EYS: variants seen among roughly 807,000 people sequenced by gnomAD.
The protein encoded by EYS is EGF-like photoreceptor maintenance factor, also known as protein eyes shut homolog.
Under a neutral mutation model 282.1 loss-of-function variants are expected in EYS, and 250 were observed. The ratio of observed to expected loss-of-function variants is 0.89; its 90% CI spans 0.80 to 0.98. EYS has a LOEUF of 0.98. EYS is among the 50% of genes least tolerant of loss of function. The probability of loss-of-function intolerance (pLI) is 0.00; values close to 1 mark genes in which losing one functional copy is unlikely to be tolerated. For synonymous variants in EYS, 1,355 were observed against 1,282.9 expected, an observed-to-expected ratio of 1.06 and a Z score of -1.20; for missense variants, 4,016 against 3,709.0, an observed-to-expected ratio of 1.08 and a Z score of -2.15.
In EYS at chr6:64,081,991, A is replaced by G. The variant is rs545408886; in HGVS notation, c.6436T>C (p.Phe2146Leu). The G allele has an allele frequency of 2.9e-5, 45 of 1,539,640 alleles. No individual in the cohort carries two copies. The African/African-American group carries it at 5.9e-4, about 20-fold the overall frequency. Reference sequence around the variant, plus strand: ...GAATTCCCATTGAAAGATGGAAAGAATAAACCTGCATCTAAAAAAGAAAAT... The same window carrying G: ...GAATTCCCATTGAAAGATGGAAAGAGTAAACCTGCATCTAAAAAAGAAAAT... ...GRFCEKDAGL[F>L]FPSFNGNSYL... Residue 2146 changes from phenylalanine (F) to leucine (L), a missense_variant, in exon 32 of 43, where the codon TTC (phenylalanine) becomes CTC (leucine). Phe to Leu is a conservative substitution (Grantham distance 22). Transcript: ENST00000503581.
chr6:64,393,598 C>A (rs1360514803), intron 28 of EYS, among the ~76,000 whole-genome samples: 1 of 152,042 alleles, frequency 6.6e-6, no homozygotes, highest in Non-Finnish European at 1.5e-5. Flanking sequence ...ATGCTAAAAA[C>A]TCTCAATAAA....
chr6:63,993,207 C>T (rs1767683690), intron 34 of EYS, among the ~76,000 whole-genome samples: 1 of 151,638 alleles, frequency 6.6e-6, no homozygotes, highest in African/African-American at 2.4e-5. Flanking sequence ...ATATCATACT[C>T]AATGGTGAAC....
chr6:65,317,624 A>G (rs1369529431), intron 11 of EYS, among the ~76,000 whole-genome samples: 1 of 152,162 alleles, frequency 6.6e-6, no homozygotes, highest in Non-Finnish European at 1.5e-5. Context: ...GGCTGGTTCA[A>G]CATCTCTCAC....
intron 1 of EYS, among the ~76,000 whole-genome samples, chr6:65,649,969 T>A (rs1767594092): frequency 6.6e-6 from 1 of 152,200 alleles, no homozygotes; most frequent in African/African-American, 2.4e-5. Flanking sequence ...TATACACTAC[T>A]TAAGAATGAT....
At chr6:64,345,628 G>T (rs1398014757) in intron 29 of EYS, among the ~76,000 whole-genome samples, 1 of 152,042 alleles carries the variant, frequency 6.6e-6, no homozygotes, top group Non-Finnish European at 1.5e-5. Context: ...TATCATTCAG[G>T]ACATAGGCAT....
At chr6:65,391,817 C>A (rs1437284060) in intron 7 of EYS, among the ~76,000 whole-genome samples, 11 of 96,460 alleles carry the variant, frequency 1.1e-4, no homozygotes, top group Non-Finnish European at 2.1e-4. Flanking sequence ...TTGGAAAAAA[C>A]TACTTTAAAG....
chr6:65,130,915 A>G (rs1188940056), intron 12 of EYS, among the ~76,000 whole-genome samples: 3 of 151,688 alleles, frequency 2.0e-5, no homozygotes, highest in Non-Finnish European at 4.4e-5. Flanking sequence ...GTAAGTGGTA[A>G]AAATGCAATT....
At position 65,609,335 on chromosome 6, in the gene EYS, C is replaced by CAA. The variant is rs777614150; in HGVS notation, c.-333+30442_-333+30443insTT. 2.6e-4 allele frequency among the ~76,000 whole-genome samples: 13 copies of CAA among 49,496 alleles called. 1 individual carries two copies. The highest frequency in any genetic ancestry group is 1.5e-3 in the South Asian group (2 of 1,362). The allele number at this position is 49,496 out of a possible 152,430, so 32.5% of individuals were successfully genotyped here. ...GTACAACTGTACGTATCCAAGATAG[C>CAA]CAAAAAAAAAAAAAATCTAATACTA... On this transcript the variant is annotated intron_variant, in intron 2 of 42. Transcript: ENST00000503581.
At chr6:64,433,686 TAAGTA>T (rs1288375970) in intron 28 of EYS, among the ~76,000 whole-genome samples, 2 of 152,074 alleles carry the variant, frequency 1.3e-5, no homozygotes, top group Non-Finnish European at 2.9e-5. Context: ...ATTTTTTGGT[TAAGTA>T]TTCTTAAAAG....
chr6:64,168,260 C>CAATAAATAAATAAATA lies in EYS; in HGVS notation c.6424+62316_6424+62331dup, dbSNP rs377467664. On this transcript the variant is annotated intron_variant, in intron 31 of 42. Coordinates refer to ENST00000503581, the MANE Select transcript of EYS (RefSeq NM_001142800.2). ...TGGGCGACAGAGCGAAACTCCATTTCAATAAATAAATAAATAAATAAATAA... is the reference window on the plus strand; with the variant it reads ...TGGGCGACAGAGCGAAACTCCATTTCAATAAATAAATAAATAAATAAATAAATAAATAAATAAATAA... Among the ~76,000 whole-genome samples, 250 of 151,384 alleles carry CAATAAATAAATAAATA rather than the reference C, an allele frequency of 1.7e-3. 1 individual carries two copies. The highest frequency in any genetic ancestry group is 5.8e-3 in the African/African-American group (239 of 40,916).
At chr6:65,075,839 T>C (rs1260885435) in intron 12 of EYS, among the ~76,000 whole-genome samples, 1 of 151,972 alleles carries the variant, frequency 6.6e-6, no homozygotes, top group Non-Finnish European at 1.5e-5. Context: ...GAAAATTCAT[T>C]TGATAGGTCT....
intron 41 of EYS, among the ~76,000 whole-genome samples, chr6:63,750,098 T>G (rs1376547660): frequency 6.6e-6 from 1 of 152,234 alleles, no homozygotes; most frequent in East Asian, 1.9e-4. Context: ...AGGTTTCTGT[T>G]TTTTAATATA....
chr6:65,683,272 A>G (rs1359411096), intron 1 of EYS, among the ~76,000 whole-genome samples: 1 of 151,992 alleles, frequency 6.6e-6, no homozygotes, highest in African/African-American at 2.4e-5. Context: ...AAAATAGTCT[A>G]AAGTCAAAAT....
chr6:65,560,248 C>T (rs7750155), intron 2 of EYS, among the ~76,000 whole-genome samples: 1 of 142,300 alleles, frequency 7.0e-6, no homozygotes, highest in African/African-American at 2.6e-5. Context: ...TAATTATATA[C>T]AATTATTATA....
intron 28 of EYS, among the ~76,000 whole-genome samples, chr6:64,402,072 T>TTTGCCTATGAATTCTTCTGGC (rs1338041410): frequency 6.6e-6 from 1 of 152,160 alleles, no homozygotes; most frequent in Non-Finnish European, 1.5e-5. Context: ...CTTTGCTGAA[T>TTTGCCTATGAATTCTTCTGGC]CCTGTTTCCC....
At chr6:64,859,945 T>C (rs1313075661) in intron 19 of EYS, among the ~76,000 whole-genome samples, 5 of 152,216 alleles carry the variant, frequency 3.3e-5, no homozygotes, top group African/African-American at 1.2e-4. Flanking sequence ...TTTATATCTC[T>C]TCTATCATTC....
intron 12 of EYS, among the ~76,000 whole-genome samples, chr6:65,069,585 T>C (rs1297958332): frequency 1.3e-5 from 2 of 151,992 alleles, no homozygotes; most frequent in Non-Finnish European, 1.5e-5. Context: ...CTTTACTTTG[T>C]GTGTCTCTCG....
Position 65,323,354 on chromosome 6 carries a change from G to T in EYS, c.1766+11626C>A, listed in dbSNP as rs552695630. 2.0e-5 allele frequency among the ~76,000 whole-genome samples: 3 copies of T among 148,620 alleles called. No individual in the cohort carries two copies. In the South Asian group the frequency reaches 6.5e-4, roughly 32 times the overall value. ...AGCTGGCACATATTTATAGTAATCA[G>T]TTTTCTTATTTAAGAGGATGAGATA... On this transcript the variant is annotated intron_variant, in intron 11 of 42. Coordinates refer to ENST00000503581, the MANE Select transcript of EYS (RefSeq NM_001142800.2).
chr6:63,851,014 G>A (rs1384730411), intron 36 of EYS, among the ~76,000 whole-genome samples: 1 of 152,072 alleles, frequency 6.6e-6, no homozygotes, highest in African/African-American at 2.4e-5. Context: ...AAAGAAGCAG[G>A]GGTTGCAATC....
Sources: gnomAD v4.1 joint callset for allele counts (sites outside exome capture counted in the v4.1 genomes callset) on GRCh38, gnomAD v4.1.1 for gene constraint, MANE v1.5 for transcripts, NCBI Gene and HGNC (gene_info 2026-07-23, HGNC 2026-07-21) for gene names.